RANBP2: variants seen among roughly 807,000 people sequenced by gnomAD.
RANBP2 encodes E3 SUMO-protein ligase RanBP2.
A neutral mutation model predicts 303.6 loss-of-function variants in RANBP2; 57 were observed. The observed-to-expected ratio is 0.19, with a 90% confidence interval of 0.15 to 0.23. RANBP2 has a LOEUF of 0.23. Among genes scored for constraint, RANBP2 ranks in the 10% least tolerant of loss-of-function variants. RANBP2 has a pLI of 1.00. For missense variants in RANBP2, 3,138 were observed against 3,780.8 expected, an observed-to-expected ratio of 0.83 and a Z score of 4.46; for synonymous variants, 1,167 against 1,301.5, an observed-to-expected ratio of 0.90 and a Z score of 2.23.
the RANBP2 span, among the ~76,000 whole-genome samples, chr2:108,844,766 G>A: frequency 3.1e-5 from 2 of 64,072 alleles, no homozygotes; most frequent in African/African-American, 1.3e-4. Flanking sequence ...TTTTTTTTTT[G>A]AGACAGAGTC....
chr2:108,773,940 C>T (rs756632257), intron 23 of RANBP2, among the ~76,000 whole-genome samples: 8 of 152,170 alleles, frequency 5.3e-5, no homozygotes, highest in Non-Finnish European at 1.2e-4. Context: ...AGCCACCGCG[C>T]CTGGCCAGGA....
At chr2:109,023,808 CAAAACAAACAAACA>C in the RANBP2 span, among the ~76,000 whole-genome samples, 16 of 152,258 alleles carry the variant, frequency 1.1e-4, no homozygotes, top group Non-Finnish European at 1.8e-4. Context: ...GACCCTATCT[CAAAACAAACAAACA>C]AAAACAAACA....
the RANBP2 span, among the ~76,000 whole-genome samples, chr2:109,056,341 A>AT: frequency 6.6e-6 from 1 of 151,770 alleles, no homozygotes; most frequent in Non-Finnish European, 1.5e-5. Flanking sequence ...TAACTTTTGA[A>AT]TTTTTTTGTA....
the RANBP2 span, among the ~76,000 whole-genome samples, chr2:109,558,554 T>A: frequency 2.6e-5 from 4 of 152,226 alleles, no homozygotes; most frequent in Non-Finnish European, 5.9e-5. Flanking sequence ...ATGGTTGAAA[T>A]AATTAATATA....
chr2:109,211,499 G>A, the RANBP2 span, among the ~76,000 whole-genome samples: 7 of 152,164 alleles, frequency 4.6e-5, no homozygotes, highest in African/African-American at 1.4e-4. Context: ...GGTGGAGGGG[G>A]AGCCCAGTCT....
chr2:109,760,344 A>AGCGGCGGCG, the RANBP2 span: 3 of 173,500 alleles, frequency 1.7e-5, no homozygotes, highest in African/African-American at 7.9e-5. Flanking sequence ...GAACCCTAAG[A>AGCGGCGGCG]GCGGCGGCGG....
chr2:108,976,594 C>T, the RANBP2 span, among the ~76,000 whole-genome samples: 1 of 152,212 alleles, frequency 6.6e-6, no homozygotes, highest in Non-Finnish European at 1.5e-5. Flanking sequence ...AGTTCCTCTG[C>T]ACGGGAGACC....
the RANBP2 span, among the ~76,000 whole-genome samples, chr2:108,871,306 G>C: frequency 4.0e-5 from 6 of 150,872 alleles, no homozygotes; most frequent in South Asian, 1.3e-3. Flanking sequence ...GCTGAGGTGG[G>C]CAGATCTCTT....
the RANBP2 span, among the ~76,000 whole-genome samples, chr2:108,820,822 C>T: frequency 1.3e-5 from 2 of 152,050 alleles, no homozygotes; most frequent in Non-Finnish European, 2.9e-5. Flanking sequence ...TACACCTGCC[C>T]TATAAAAATT....
chr2:109,280,664 G>A, the RANBP2 span, among the ~76,000 whole-genome samples: 15 of 152,184 alleles, frequency 9.9e-5, no homozygotes, highest in Non-Finnish European at 1.2e-4. Context: ...GAGAGCATTC[G>A]GGTAATGTAA....
intron 18 of RANBP2, among the ~76,000 whole-genome samples, chr2:108,760,929 C>T (rs545903597): frequency 2.8e-4 from 43 of 152,152 alleles, no homozygotes; most frequent in African/African-American, 9.6e-4. Context: ...CATCATTTTG[C>T]GGATTTTTCA....
chr2:109,186,490 A>G, the RANBP2 span, among the ~76,000 whole-genome samples: 1 of 152,202 alleles, frequency 6.6e-6, no homozygotes, highest in Non-Finnish European at 1.5e-5. Flanking sequence ...GTGTGTGTAA[A>G]ATGAAAGCAT....
chr2:109,087,475 C>T, the RANBP2 span, among the ~76,000 whole-genome samples: 25 of 152,124 alleles, frequency 1.6e-4, no homozygotes, highest in Non-Finnish European at 2.8e-4. Context: ...TAACTCTGAG[C>T]GCAGGGCTCT....
chr2:109,674,410 C>A, the RANBP2 span, among the ~76,000 whole-genome samples: 32 of 75,272 alleles, frequency 4.3e-4, no homozygotes, highest in Admixed American at 7.0e-4. Flanking sequence ...CTTGTGTCTC[C>A]AAAAAAAAAA....
chr2:109,238,890 C>T, the RANBP2 span, among the ~76,000 whole-genome samples: 8 of 152,308 alleles, frequency 5.3e-5, no homozygotes, highest in East Asian at 9.6e-4. Flanking sequence ...TACAGCTCCA[C>T]TGTGGTCACT....
intron 6 of RANBP2, among the ~76,000 whole-genome samples, chr2:108,737,292 C>G (rs1159398926): frequency 2.7e-5 from 4 of 150,092 alleles, no homozygotes; most frequent in Non-Finnish European, 5.9e-5. Flanking sequence ...TTAAGGACAT[C>G]GAAGATCTTT....
chr2:109,467,954 G>T, the RANBP2 span, among the ~76,000 whole-genome samples: 14 of 152,234 alleles, frequency 9.2e-5, no homozygotes, highest in Admixed American at 2.0e-4. Context: ...CTCCATGCGG[G>T]CTGCTGGGTC....
chr2:108,794,455 A>G, the RANBP2 span: 700 of 1,191,970 alleles, frequency 5.9e-4, no homozygotes, highest in Non-Finnish European at 5.4e-4. Flanking sequence ...TTGTACTTAA[A>G]GCATCTCTTC....
chr2:109,084,849 G>A, the RANBP2 span, among the ~76,000 whole-genome samples: 1 of 152,268 alleles, frequency 6.6e-6, no homozygotes, highest in East Asian at 1.9e-4. Flanking sequence ...AATAGTGGAG[G>A]GCACTGCCAA....
Sources: allele counts gnomAD v4.1 joint callset (sites outside exome capture counted in the v4.1 genomes callset), GRCh38; gene constraint gnomAD v4.1.1; transcripts MANE v1.5; gene names NCBI Gene and HGNC (gene_info 2026-07-23, HGNC 2026-07-21).